Variants in HEATR4 observed in about 807,000 individuals in gnomAD.
HEATR4 encodes the protein HEAT repeat-containing protein 4.
HEATR4 carries 95 observed loss-of-function variants against 108.8 expected under a neutral mutation model. The ratio of observed to expected loss-of-function variants is 0.87; its 90% CI spans 0.74 to 1.04. The LOEUF (loss-of-function observed/expected upper bound fraction) is 1.04. HEATR4 is among the 50% of genes least tolerant of loss of function. The pLI, the probability that HEATR4 is intolerant of heterozygous loss-of-function variation, is 0.00. For missense variants in HEATR4, 1,152 were observed against 1,253.8 expected, an observed-to-expected ratio of 0.92 and a Z score of 1.23; for synonymous variants, 443 against 459.4, an observed-to-expected ratio of 0.96 and a Z score of 0.46.
Position 73,509,187 on chromosome 14 carries a change from C to G in HEATR4, c.1720+125G>C, listed in dbSNP as rs138658054. 863 of 977,262 alleles carry G rather than the reference C, an allele frequency of 8.8e-4. 8 individuals are homozygous for G. The highest frequency in any genetic ancestry group is 5.8e-3 in the African/African-American group (360 of 62,154). 60.5% of individuals were successfully genotyped at this position (977,262 alleles called of 1,614,324 possible). A position where few individuals can be genotyped will look rare whatever the true frequency, so the allele number is the denominator to read the frequency against. The stretch of plus-strand genomic sequence containing the variant: ...TGGTCCTAATTTTCAAATGGTCTAA[C>G]ATAAATCTAAACCCAATACAGCAGA... On this transcript the variant is annotated intron_variant, in intron 8 of 17. Transcript: ENST00000553558.
At position 73,491,014 on chromosome 14, in the gene HEATR4, G is replaced by A. The variant is rs1216154354; in HGVS notation, c.2844+2052C>T. ...CGGGCGGGGAAGACTGGTGTGGTCTGGCCATGGATGGGCTCCAGGCCAGTG... is the reference window on the plus strand; with the variant it reads ...CGGGCGGGGAAGACTGGTGTGGTCTAGCCATGGATGGGCTCCAGGCCAGTG... On this transcript the variant is annotated intron_variant, in intron 17 of 17. Coordinates refer to ENST00000553558, the MANE Select transcript of HEATR4 (RefSeq NM_001220484.1). 3 of 1,488,512 alleles carry A rather than the reference G, an allele frequency of 2.0e-6. No homozygotes were observed. In the South Asian group the frequency reaches 4.0e-5, roughly 20 times the overall value. 92.2% of individuals were successfully genotyped at this position (1,488,512 alleles called of 1,614,324 possible). A position where few individuals can be genotyped will look rare whatever the true frequency, so the allele number is the denominator to read the frequency against.
At chr14:73,572,651 T>C in the HEATR4 span, among the ~76,000 whole-genome samples, 39,063 of 122,370 alleles carry the variant, frequency 0.32, 7,734 homozygotes, top group African/African-American at 0.54. Context: ...TTTTTTTTTT[T>C]TTTTTTTTTT....
chr14:73,483,299 T>G (rs1402567554), intron 17 of HEATR4, among the ~76,000 whole-genome samples: 1 of 152,224 alleles, frequency 6.6e-6, no homozygotes, highest in Non-Finnish European at 1.5e-5. Context: ...GGAGAATAAA[T>G]TTTAAAACCT....
At chr14:73,588,756 C>T in the HEATR4 span, among the ~76,000 whole-genome samples, 2 of 152,078 alleles carry the variant, frequency 1.3e-5, no homozygotes, top group African/African-American at 4.8e-5. Flanking sequence ...CAGACCCACT[C>T]TTGATTTTCC....
the HEATR4 span, among the ~76,000 whole-genome samples, chr14:73,597,597 T>TTC: frequency 0.093 from 13,228 of 141,974 alleles, 912 homozygotes; most frequent in Non-Finnish European, 0.14. Flanking sequence ...TTTTCTTTTT[T>TTC]TTTTTTTTTT....
chr14:73,569,972 C>CA, the HEATR4 span: 1 of 1,464,502 alleles, frequency 6.8e-7, no homozygotes, highest in Non-Finnish European at 9.0e-7. Context: ...ATGTGTATGC[C>CA]CCCCCGCCGC....
chr14:73,619,977 T>C, the HEATR4 span: 1 of 1,024,020 alleles, frequency 9.8e-7, no homozygotes, highest in Non-Finnish European at 1.4e-6. Flanking sequence ...AGTGGCATAA[T>C]CTTGGCTCAC....
At chr14:73,524,232 G>A (rs1005899698) in intron 2 of HEATR4, among the ~76,000 whole-genome samples, 1 of 143,392 alleles carries the variant, frequency 7.0e-6, no homozygotes, top group Non-Finnish European at 1.5e-5. Flanking sequence ...GGGGGAGATT[G>A]CAGTGAGCCA....
At chr14:73,604,305 C>T in the HEATR4 span, among the ~76,000 whole-genome samples, 6 of 151,422 alleles carry the variant, frequency 4.0e-5, no homozygotes, top group African/African-American at 1.5e-4. Context: ...GCTGGGACTA[C>T]AGGCGCCTGC....
At chr14:73,610,331 C>T in the HEATR4 span, among the ~76,000 whole-genome samples, 1 of 147,660 alleles carries the variant, frequency 6.8e-6, no homozygotes, top group Non-Finnish European at 1.5e-5. Context: ...TGCTCTGTCG[C>T]TCAGGCTGGA....
At chr14:73,509,156 A>G (rs1376786151) in intron 8 of HEATR4, among the ~76,000 whole-genome samples, 156 bp downstream of exon 8, 2 of 152,060 alleles carry the variant, frequency 1.3e-5, no homozygotes, top group African/African-American at 2.4e-5. Flanking sequence ...TGTGAGCGAC[A>G]GTGTCTGGTC....
chr14:73,493,656 G>C (rs1474440314), intron 16 of HEATR4, among the ~76,000 whole-genome samples: 1 of 152,024 alleles, frequency 6.6e-6, no homozygotes, highest in African/African-American at 2.4e-5. Flanking sequence ...TGGCCAACAT[G>C]GCAAAACCCC....
At chr14:73,618,948 G>A in the HEATR4 span, among the ~76,000 whole-genome samples, 1 of 152,120 alleles carries the variant, frequency 6.6e-6, no homozygotes, top group Non-Finnish European at 1.5e-5. Context: ...TGGCCAACAT[G>A]GTGAAACCCT....
the HEATR4 span, among the ~76,000 whole-genome samples, chr14:73,623,405 T>C: frequency 6.6e-6 from 1 of 151,874 alleles, no homozygotes; most frequent in East Asian, 1.9e-4. Flanking sequence ...GATCCCCAGG[T>C]GGGCATGGTG....
upstream of HEATR4, among the ~76,000 whole-genome samples, chr14:73,561,346 A>T (rs2140324800): frequency 6.6e-6 from 1 of 151,646 alleles, no homozygotes; most frequent in East Asian, 1.9e-4. Context: ...AGCCCGGGCG[A>T]CAGAGCGAGA....
chr14:73,486,336 T>C (rs1478281788), intron 17 of HEATR4, among the ~76,000 whole-genome samples: 2 of 152,218 alleles, frequency 1.3e-5, no homozygotes, highest in Non-Finnish European at 2.9e-5. Flanking sequence ...TTTCTTTTAC[T>C]TTCCTTTTAT....
chr14:73,619,602 A>G, the HEATR4 span: 1 of 1,614,218 alleles, frequency 6.2e-7, no homozygotes, highest in Non-Finnish European at 8.5e-7. Flanking sequence ...AAAGGCTACA[A>G]GCTCATGGGA....
chr14:73,593,264 T>A, the HEATR4 span, among the ~76,000 whole-genome samples: 3 of 152,200 alleles, frequency 2.0e-5, no homozygotes, highest in African/African-American at 7.2e-5. Flanking sequence ...GAAATATCAG[T>A]ACACTAAAAA....
the HEATR4 span, chr14:73,596,630 A>G: frequency 6.6e-6 from 1 of 151,998 alleles, no homozygotes; most frequent in East Asian, 1.9e-4. Context: ...AGACAGAGTC[A>G]CTCTGTTGCC....
Sources: allele counts gnomAD v4.1 joint callset (sites outside exome capture counted in the v4.1 genomes callset), GRCh38; gene constraint gnomAD v4.1.1; transcripts MANE v1.5; gene names NCBI Gene and HGNC (gene_info 2026-07-23, HGNC 2026-07-21).